Variants in AXDND1 observed in about 807,000 individuals in gnomAD.
AXDND1 encodes axonemal dynein light chain domain containing 1.
A neutral mutation model predicts 137.5 loss-of-function variants in AXDND1; 110 were observed. The ratio of observed to expected loss-of-function variants is 0.80; its 90% CI spans 0.69 to 0.94. The LOEUF is 0.94. Ranked by LOEUF, AXDND1 falls within the 40% of genes least tolerant of loss-of-function variation. The pLI, the probability that AXDND1 is intolerant of heterozygous loss-of-function variation, is 0.00. For synonymous variants in AXDND1, 414 were observed against 399.7 expected, an observed-to-expected ratio of 1.04 and a Z score of -0.43; for missense variants, 1,191 against 1,169.8, an observed-to-expected ratio of 1.02 and a Z score of -0.26.
intron 20 of AXDND1, among the ~76,000 whole-genome samples, chr1:179,504,222 C>T (rs1402674867): frequency 6.6e-6 from 1 of 152,170 alleles, no homozygotes; most frequent in Admixed American, 6.5e-5. Context: ...TTCTTCACAA[C>T]AGGCTGTTAT....
At chr1:179,448,022 G>C in intron 16 of AXDND1, 2 of 1,379,752 alleles carry the variant, frequency 1.4e-6, no homozygotes. Context: ...CTTTTCACTG[G>C]AACTGTGACA....
chr1:179,425,081 CTGT>C (rs1456805415), intron 12 of AXDND1, among the ~76,000 whole-genome samples: 1 of 152,098 alleles, frequency 6.6e-6, no homozygotes, highest in Non-Finnish European at 1.5e-5. Flanking sequence ...TCCCTGTTTG[CTGT>C]TGTTTCTTAT....
Position 179,443,475 on chromosome 1 carries a change from G to T in AXDND1, c.1564-1495G>T, listed in dbSNP as rs904186238. Reference sequence around the variant, plus strand: ...TTGCCCTAAATATATTTATATTGTTGTACAACCATCACCACCATTCATTTC... The same window carrying T: ...TTGCCCTAAATATATTTATATTGTTTTACAACCATCACCACCATTCATTTC... On this transcript the variant is annotated intron_variant, in intron 15 of 25. Coordinates refer to ENST00000367618, the MANE Select transcript of AXDND1 (RefSeq NM_144696.6). Among the ~76,000 whole-genome samples, 8 of 151,952 alleles carry T rather than the reference G, an allele frequency of 5.3e-5. No individual in the cohort carries two copies. In the South Asian group the frequency reaches 1.2e-3, roughly 24 times the overall value.
At chr1:179,399,439 A>G (rs1477886402) in intron 11 of AXDND1, among the ~76,000 whole-genome samples, 5 of 152,120 alleles carry the variant, frequency 3.3e-5, no homozygotes, top group African/African-American at 1.2e-4. Context: ...AAGATGAACT[A>G]AGGACTTAAA....
At chr1:179,376,320 C>A (rs181083276) in intron 4 of AXDND1, among the ~76,000 whole-genome samples, 1 of 152,182 alleles carries the variant, frequency 6.6e-6, no homozygotes, top group Admixed American at 6.5e-5. Context: ...TGCAGTCAGC[C>A]GTACATGAGT....
intron 6 of AXDND1, among the ~76,000 whole-genome samples, chr1:179,381,943 ATTTTTTTTTTT>A (rs71111920): frequency 1.7e-4 from 18 of 105,434 alleles, no homozygotes; most frequent in Non-Finnish European, 3.1e-4. Flanking sequence ...ACCACACCTA[ATTTTTTTTTTT>A]TTTTTTTTTT....
At chr1:179,523,719 T>C (rs540130413) in intron 21 of AXDND1, among the ~76,000 whole-genome samples, 1 of 152,164 alleles carries the variant, frequency 6.6e-6, no homozygotes, top group African/African-American at 2.4e-5. Flanking sequence ...CATTCCTTTT[T>C]TTTTCCCAAT....
intron 21 of AXDND1, among the ~76,000 whole-genome samples, chr1:179,519,200 C>T (rs771277079): frequency 3.9e-5 from 6 of 152,150 alleles, no homozygotes; most frequent in Non-Finnish European, 7.4e-5. Flanking sequence ...TCAAAACTGT[C>T]TGTTCATGTC....
At chr1:179,397,938 C>T (rs1651328937) in intron 11 of AXDND1, among the ~76,000 whole-genome samples, 1 of 152,168 alleles carries the variant, frequency 6.6e-6, no homozygotes, top group South Asian at 2.1e-4. Flanking sequence ...CAGCATACTC[C>T]TGCATCTTAA....
Position 179,368,842 on chromosome 1 carries a change from C to T in AXDND1, c.140C>T (p.Ser47Leu). ...GAGAAAAAAAATATGGTGGATCGTT[C>T]AAAACTCCTTCCTACTTCCCTTCAG... ...LKEKKNMVDR[S>L]KLLPTSLQNE... The change falls in exon 3 of 26, where the codon TCA becomes TTA. Residue 47 changes from serine (S) to leucine (L), a missense_variant. Coordinates refer to ENST00000367618, the MANE Select transcript of AXDND1 (RefSeq NM_144696.6). 3 of 1,613,836 alleles carry T rather than the reference C, an allele frequency of 1.9e-6. No homozygotes were observed. Among genetic ancestry groups the T allele is most frequent in the Non-Finnish European group, 1.7e-6 (2 of 1,179,850 alleles).
chr1:179,394,205 T>C (rs1650652801), intron 10 of AXDND1, among the ~76,000 whole-genome samples, 162 bp downstream of exon 10: 1 of 152,184 alleles, frequency 6.6e-6, no homozygotes. Flanking sequence ...TCATTGTAGA[T>C]ATAGATATAG....
At chr1:179,383,587 A>C (rs1039394402) in intron 8 of AXDND1, 43 bp downstream of exon 8, 2 of 1,463,166 alleles carry the variant, frequency 1.4e-6, no homozygotes, top group African/African-American at 2.8e-5. Context: ...AAGAGCATGC[A>C]CTCAGGAGGC....
chr1:179,507,286 A>G (rs1427968952), intron 20 of AXDND1, among the ~76,000 whole-genome samples: 4 of 152,202 alleles, frequency 2.6e-5, no homozygotes, highest in East Asian at 3.8e-4. Context: ...GCTGAACTCT[A>G]TAGATTATTG....
At chr1:179,431,318 T>A (rs2125312988) in intron 14 of AXDND1, among the ~76,000 whole-genome samples, 1 of 151,984 alleles carries the variant, frequency 6.6e-6, no homozygotes, top group South Asian at 2.1e-4. Context: ...ATTTTTGTAT[T>A]TTTAGTACAG....
At chr1:179,478,167 A>G (rs1041169166) in intron 17 of AXDND1, among the ~76,000 whole-genome samples, 5 of 152,138 alleles carry the variant, frequency 3.3e-5, no homozygotes, top group African/African-American at 4.8e-5. Flanking sequence ...CACACGGTGC[A>G]TGCTGTTGGT....
chr1:179,525,260 C>T (rs1670422107), intron 21 of AXDND1, 74 bp from the exon 22 acceptor site: 3 of 1,413,458 alleles, frequency 2.1e-6, no homozygotes, highest in Admixed American at 2.3e-5. Flanking sequence ...GATTAGTGCT[C>T]ATTAAATATT....
In AXDND1 at chr1:179,528,412, C is replaced by T. The variant is rs1184267991; in HGVS notation, c.2696C>T (p.Thr899Ile). The change falls in exon 23 of 26, where the codon ACA (threonine) becomes ATA (isoleucine). Residue 899 changes from threonine (T) to isoleucine (I), a missense_variant. Thr to Ile is a moderately conservative substitution (Grantham distance 89). Coordinates refer to ENST00000367618, the MANE Select transcript of AXDND1 (RefSeq NM_144696.6). ...ENVHSKPLFE[T>I]DVLSSWRESA... ...GTTCATTCCAAACCTCTATTTGAAA[C>T]AGATGTGTTGTCTTCCTGGGTATGT... 5 of 1,612,458 alleles carry T rather than the reference C, an allele frequency of 3.1e-6. No individual in the cohort carries two copies. Among genetic ancestry groups the T allele is most frequent in the African/African-American group, 1.3e-5 (1 of 74,862 alleles).
intron 9 of AXDND1, among the ~76,000 whole-genome samples, chr1:179,392,862 T>TG (rs1187571094): frequency 6.6e-6 from 1 of 152,200 alleles, no homozygotes; most frequent in East Asian, 1.9e-4. Context: ...TCGTAGATTT[T>TG]GGGTACTAGT....
At chr1:179,436,364 T>C (rs1658151117) in intron 15 of AXDND1, among the ~76,000 whole-genome samples, 1 of 152,118 alleles carries the variant, frequency 6.6e-6, no homozygotes, top group South Asian at 2.1e-4. Flanking sequence ...GGAAGATAAA[T>C]CATTCTACTG....
Sources: gnomAD v4.1 joint callset for allele counts (sites outside exome capture counted in the v4.1 genomes callset) on GRCh38, gnomAD v4.1.1 for gene constraint, MANE v1.5 for transcripts, NCBI Gene and HGNC (gene_info 2026-07-23, HGNC 2026-07-21) for gene names.